Variants in AGK observed in about 807,000 individuals in gnomAD.
AGK encodes acylglycerol kinase.
In AGK, 52 loss-of-function variants were observed where a neutral mutation model predicts 66.4. The observed-to-expected ratio is 0.78, with a 90% CI of 0.63 to 0.99. The LOEUF (loss-of-function observed/expected upper bound fraction) is 0.99, where lower values mean the gene tolerates loss of function less well. Among genes scored for constraint, AGK ranks in the 50% least tolerant of loss-of-function variants. AGK has a pLI of 0.00. For missense variants in AGK, 451 were observed against 506.6 expected (o/e 0.89, Z 1.05); for synonymous variants, 182 against 181.1 (o/e 1.00, Z -0.04).
chr7:141,643,207 C>T (rs1027769072), intron 13 of AGK, among the ~76,000 whole-genome samples: 9 of 151,884 alleles, frequency 5.9e-5, no homozygotes, highest in African/African-American at 2.2e-4. Flanking sequence ...CTCCCTTCAC[C>T]CTATAAAAAA....
intron 14 of AGK, chr7:141,650,593 T>C: frequency 1.0e-6 from 1 of 985,464 alleles, no homozygotes; most frequent in Non-Finnish European, 1.2e-6. Flanking sequence ...ATAAATGGAC[T>C]GATTTACTTA....
chr7:141,556,047 A>G (rs143302330), intron 2 of AGK, among the ~76,000 whole-genome samples: 1 of 152,332 alleles, frequency 6.6e-6, no homozygotes, highest in African/African-American at 2.4e-5. Flanking sequence ...ACATCAATCA[A>G]TATACGTAAG....
chr7:141,640,936 T>A (rs185597505), intron 11 of AGK, among the ~76,000 whole-genome samples: 23 of 152,274 alleles, frequency 1.5e-4, no homozygotes, highest in Non-Finnish European at 3.1e-4. Flanking sequence ...AAGCCAAAGA[T>A]AAATTTATTA....
intron 2 of AGK, among the ~76,000 whole-genome samples, chr7:141,567,977 C>A (rs1433815185): frequency 6.6e-6 from 1 of 152,144 alleles, no homozygotes; most frequent in Non-Finnish European, 1.5e-5. Context: ...AGTGATATAA[C>A]TGGAAAGCTG....
intron 2 of AGK, among the ~76,000 whole-genome samples, chr7:141,563,837 C>T (rs555993861): frequency 4.6e-5 from 7 of 152,312 alleles, no homozygotes; most frequent in African/African-American, 9.6e-5. Flanking sequence ...TGCTTTTCAT[C>T]TTTTTCATAT....
At chr7:141,613,007 T>C (rs1796624776) in intron 6 of AGK, among the ~76,000 whole-genome samples, 1 of 152,202 alleles carries the variant, frequency 6.6e-6, no homozygotes, top group Admixed American at 6.5e-5. Context: ...ACTTAGTCAT[T>C]ATGTGAGCCT....
intron 5 of AGK, among the ~76,000 whole-genome samples, chr7:141,605,832 T>C (rs2116943960): frequency 6.6e-6 from 1 of 152,290 alleles, no homozygotes; most frequent in African/African-American, 2.4e-5. Flanking sequence ...CTTTCTACCT[T>C]AGGCTTTGTC....
At chr7:141,644,969 CTCT>C (rs1310512836) in intron 13 of AGK, among the ~76,000 whole-genome samples, 1 of 151,690 alleles carries the variant, frequency 6.6e-6, no homozygotes, top group Admixed American at 6.5e-5. Flanking sequence ...TACTCTGCTT[CTCT>C]TATTATAGTT....
intron 11 of AGK, 24 bp from the exon 12 acceptor site, chr7:141,641,224 A>T: frequency 6.3e-7 from 1 of 1,590,208 alleles, no homozygotes; most frequent in Non-Finnish European, 8.5e-7. Context: ...GCATAACAAA[A>T]TTTTTCTCTC....
At chr7:141,564,434 A>G (rs1795421386) in intron 2 of AGK, among the ~76,000 whole-genome samples, 1 of 152,096 alleles carries the variant, frequency 6.6e-6, no homozygotes, top group South Asian at 2.1e-4. Context: ...CAAAAGGAGG[A>G]AAGCCCCTTT....
chr7:141,639,553 T>TA (rs1042252965), intron 11 of AGK, among the ~76,000 whole-genome samples: 5 of 151,138 alleles, frequency 3.3e-5, no homozygotes, highest in Non-Finnish European at 5.9e-5. Context: ...AGAAGAGGAG[T>TA]AAAGGGTAGG....
chr7:141,591,549 A>C (rs1003780300), intron 2 of AGK, among the ~76,000 whole-genome samples: 4 of 152,192 alleles, frequency 2.6e-5, no homozygotes, highest in Admixed American at 2.6e-4. Flanking sequence ...TCTGGCAAAA[A>C]GCAAAGCTTG....
intron 2 of AGK, among the ~76,000 whole-genome samples, chr7:141,587,271 A>T (rs1240371237): frequency 6.6e-6 from 1 of 152,074 alleles, no homozygotes; most frequent in Non-Finnish European, 1.5e-5. Context: ...CCACCATCCT[A>T]GTTCCAGTCA....
chr7:141,639,430 G>C (rs1197233996), intron 11 of AGK, among the ~76,000 whole-genome samples: 1 of 152,148 alleles, frequency 6.6e-6, no homozygotes, highest in African/African-American at 2.4e-5. Context: ...GGTGAGAAGG[G>C]AGACAGAAAG....
chr7:141,613,439 C>T (rs1442055089), intron 6 of AGK, among the ~76,000 whole-genome samples: 7 of 151,956 alleles, frequency 4.6e-5, no homozygotes, highest in African/African-American at 1.2e-4. Context: ...ACCAACATGG[C>T]GAAACCCCGT....
chr7:141,615,591 C>T, intron 8 of AGK, 26 bp downstream of exon 8: 1 of 1,568,186 alleles, frequency 6.4e-7, no homozygotes, highest in Non-Finnish European at 8.8e-7. Flanking sequence ...GGGGAATTAG[C>T]ATTTGTGGGT....
chr7:141,552,640 C>T (rs1285799606), intron 1 of AGK, among the ~76,000 whole-genome samples: 2 of 152,208 alleles, frequency 1.3e-5, no homozygotes, highest in African/African-American at 2.4e-5. Context: ...AAATATGACT[C>T]GTTGGCATTA....
At position 141,653,013 on chromosome 7, in the gene AGK, G is replaced by A. The variant is rs1003688221; in HGVS notation, c.*89G>A. 3.5e-5 allele frequency: 54 copies of A among 1,522,872 alleles called. No individual in the cohort carries two copies. Among genetic ancestry groups the A allele is most frequent in the Middle Eastern group, 3.5e-4 (2 of 5,764 alleles). The allele number at this position is 1,522,872 out of a possible 1,614,324, so 94.3% of individuals were successfully genotyped here. A position where few individuals can be genotyped will look rare whatever the true frequency, so the allele number is the denominator to read the frequency against. ...GTGCCTCAGCCATCCCAACAGTGTC[G>A]TCAGAGGGTCCCCAGGGCATTTTCA... On this transcript the variant is annotated 3_prime_UTR_variant, in exon 16 of 16. Coordinates refer to ENST00000649286, the MANE Select transcript of AGK (RefSeq NM_018238.4).
At chr7:141,630,602 C>T (rs771106905) in intron 9 of AGK, among the ~76,000 whole-genome samples, 10 of 152,126 alleles carry the variant, frequency 6.6e-5, no homozygotes, top group Non-Finnish European at 1.3e-4. Context: ...TAGCTCCCCC[C>T]ACCCATTGTA....
Sources: gnomAD v4.1 joint callset for allele counts (sites outside exome capture counted in the v4.1 genomes callset) on GRCh38, gnomAD v4.1.1 for gene constraint, MANE v1.5 for transcripts, NCBI Gene and HGNC (gene_info 2026-07-23, HGNC 2026-07-21) for gene names.